BABAM2: variants seen among roughly 807,000 people sequenced by gnomAD.
The protein encoded by BABAM2 is BRISC and BRCA1-A complex member 2.
A neutral mutation model predicts 54.7 loss-of-function variants in BABAM2; 31 were observed. That is an observed-to-expected ratio of 0.57 (90% CI 0.43 to 0.77). The LOEUF is 0.77. Among genes scored for constraint, BABAM2 ranks in the 30% least tolerant of loss-of-function variants. BABAM2 has a pLI of 0.00. For synonymous variants in BABAM2, 167 were observed against 162.9 expected, an observed-to-expected ratio of 1.03 and a Z score of -0.19; for missense variants, 364 against 455.8, an observed-to-expected ratio of 0.80 and a Z score of 1.83.
At position 28,329,662 on chromosome 2, in the gene BABAM2, A is replaced by C. The variant is rs1466583949; in HGVS notation, c.1089-8788A>C. ...AGTTGAATCCCTGAATAGACCAATAACAAGTTCTGAAATTGAGGCAGTAAT... is the reference window on the plus strand; with the variant it reads ...AGTTGAATCCCTGAATAGACCAATACCAAGTTCTGAAATTGAGGCAGTAAT... On this transcript the variant is annotated intron_variant, in intron 11 of 11. Transcript: ENST00000379624. The surrounding 1 kb of genome is among the most constrained non-coding windows in gnomAD (Gnocchi z 4.2). Among the ~76,000 whole-genome samples, 1 of 152,226 alleles carries C rather than the reference A, an allele frequency of 6.6e-6. No individual in the cohort carries two copies. The highest frequency in any genetic ancestry group is 1.5e-5 in the Non-Finnish European group (1 of 68,042).
chr2:28,048,484 A>C (rs534522659), intron 6 of BABAM2, among the ~76,000 whole-genome samples: 1 of 152,352 alleles, frequency 6.6e-6, no homozygotes, highest in East Asian at 1.9e-4. Context: ...AATCACTAAC[A>C]TAAACACGAA....
intron 2 of BABAM2, among the ~76,000 whole-genome samples, chr2:27,911,609 T>G (rs1474923208): frequency 6.6e-6 from 1 of 152,160 alleles, no homozygotes; most frequent in Non-Finnish European, 1.5e-5. Flanking sequence ...ATCACAATCT[T>G]GAGCATGGAC....
chr2:28,095,989 T>G (rs556771478), intron 6 of BABAM2, among the ~76,000 whole-genome samples: 2 of 152,176 alleles, frequency 1.3e-5, no homozygotes, highest in Admixed American at 1.3e-4. Context: ...TTTCTAAGAG[T>G]CAAACATTAA....
chr2:28,039,879 C>T (rs1676935486), intron 5 of BABAM2, among the ~76,000 whole-genome samples: 1 of 151,864 alleles, frequency 6.6e-6, no homozygotes, highest in Admixed American at 6.6e-5. Flanking sequence ...AGACAGTTGG[C>T]AGAAAGGCTG....
intron 2 of BABAM2, among the ~76,000 whole-genome samples, chr2:27,898,026 T>A (rs982550052): frequency 6.6e-6 from 1 of 152,222 alleles, no homozygotes; most frequent in Non-Finnish European, 1.5e-5. Context: ...CTTTCTGGGA[T>A]CTTTAAATCA....
intron 10 of BABAM2, among the ~76,000 whole-genome samples, chr2:28,250,309 T>A (rs1380406831): frequency 7.5e-6 from 1 of 133,660 alleles, no homozygotes; most frequent in Non-Finnish European, 1.6e-5. Flanking sequence ...GGGAAGGGCA[T>A]TTGTTGAACT....
chr2:27,891,786 A>G, intron 1 of BABAM2, among the ~76,000 whole-genome samples: 1 of 148,130 alleles, frequency 6.8e-6, no homozygotes, highest in Admixed American at 7.0e-5. Context: ...GTTAAAACAT[A>G]GTATTATGGC....
At chr2:28,008,083 T>A (rs1674102874) in intron 4 of BABAM2, among the ~76,000 whole-genome samples, 1 of 152,190 alleles carries the variant, frequency 6.6e-6, no homozygotes, top group African/African-American at 2.4e-5. Flanking sequence ...TAGAGATGAA[T>A]AAAATACTGT....
intron 7 of BABAM2, 22 bp downstream of exon 7, chr2:28,129,402 T>A: frequency 6.3e-7 from 1 of 1,576,002 alleles, no homozygotes; most frequent in Non-Finnish European, 8.7e-7. Context: ...TAACATGAGG[T>A]AGCCTGGTGC....
chr2:27,975,369 T>C (rs1229281459), intron 3 of BABAM2, among the ~76,000 whole-genome samples: 2 of 152,106 alleles, frequency 1.3e-5, no homozygotes, highest in African/African-American at 4.8e-5. Context: ...GGCAGTGTGA[T>C]ATTGGCAAAA....
chr2:28,065,018 A>G (rs936757196), intron 6 of BABAM2, among the ~76,000 whole-genome samples: 2 of 151,396 alleles, frequency 1.3e-5, no homozygotes, highest in Non-Finnish European at 2.9e-5. Flanking sequence ...AAAAAAAAAA[A>G]GAACCATTTA....
chr2:28,285,079 G>A (rs879303503), intron 10 of BABAM2, among the ~76,000 whole-genome samples: 7 of 152,128 alleles, frequency 4.6e-5, no homozygotes, highest in African/African-American at 1.4e-4. Flanking sequence ...TCCAAACACC[G>A]TTTTCTTCCC....
intron 6 of BABAM2, among the ~76,000 whole-genome samples, chr2:28,078,563 C>T (rs918323252): frequency 3.9e-5 from 6 of 152,030 alleles, no homozygotes; most frequent in Non-Finnish European, 8.8e-5. Context: ...TGATGCTATC[C>T]ATGATTTTAG....
chr2:28,312,194 A>G (rs4666053), intron 11 of BABAM2, among the ~76,000 whole-genome samples: 76,818 of 151,972 alleles, frequency 0.51, 19,617 homozygotes, highest in East Asian at 0.63. Flanking sequence ...AGGATTGTCC[A>G]TTGTGTGCAT....
intron 7 of BABAM2, among the ~76,000 whole-genome samples, chr2:28,183,739 T>TCACACACA (rs1286120518): frequency 0.07 from 9,255 of 133,046 alleles, 338 homozygotes; most frequent in Middle Eastern, 0.12. Flanking sequence ...TGGATGAAGA[T>TCACACACA]CACACACACA....
intron 6 of BABAM2, among the ~76,000 whole-genome samples, chr2:28,051,442 A>G (rs115969583): frequency 6.6e-6 from 1 of 152,342 alleles, no homozygotes; most frequent in African/African-American, 2.4e-5. Context: ...TTGACAGAAT[A>G]TCTTATTTTG....
intron 7 of BABAM2, among the ~76,000 whole-genome samples, chr2:28,198,761 G>T (rs1653276489): frequency 6.6e-6 from 1 of 152,120 alleles, no homozygotes; most frequent in Admixed American, 6.5e-5. Context: ...AGTAAGCAGA[G>T]ACCCACTGTG....
At chr2:28,281,747 A>G (rs1052003616) in intron 10 of BABAM2, among the ~76,000 whole-genome samples, 1 of 152,220 alleles carries the variant, frequency 6.6e-6, no homozygotes, top group African/African-American at 2.4e-5. Context: ...CTGTCACTTA[A>G]CTAATTCTAA....
At chr2:28,152,907 G>C (rs540387699) in intron 7 of BABAM2, among the ~76,000 whole-genome samples, 1 of 152,268 alleles carries the variant, frequency 6.6e-6, no homozygotes, top group South Asian at 2.1e-4. Context: ...TCTTGCCAGT[G>C]GTTCAGTCTT....
Sources: allele counts gnomAD v4.1 joint callset (sites outside exome capture counted in the v4.1 genomes callset), GRCh38; gene constraint gnomAD v4.1.1; non-coding constraint Gnocchi (gnomAD v3.1); transcripts MANE v1.5; gene names NCBI Gene and HGNC (gene_info 2026-07-23, HGNC 2026-07-21).